Variants in FBN3 observed in about 807,000 individuals in gnomAD.
FBN3 encodes the protein fibrillin-3.
A neutral mutation model predicts 330.1 loss-of-function variants in FBN3; 234 were observed. The ratio of observed to expected loss-of-function variants is 0.71; its 90% CI spans 0.64 to 0.79. FBN3 has a LOEUF of 0.79. FBN3 is among the 30% of genes least tolerant of loss of function. The probability of loss-of-function intolerance (pLI) is 0.00; values close to 1 mark genes in which losing one functional copy is unlikely to be tolerated. For synonymous variants in FBN3, 1,458 were observed against 1,517.3 expected, an observed-to-expected ratio of 0.96 and a Z score of 0.91; for missense variants, 3,606 against 3,886.9, an observed-to-expected ratio of 0.93 and a Z score of 1.92.
chr19:8,102,704 G>A lies in FBN3; in HGVS notation c.5089+20C>T, dbSNP rs370045977. ...CTAGGAGGGGCCAGGCTGGGAAGAAGGTTGGGGAGGGTTACTCACGACTGA... is the reference window on the plus strand; with the variant it reads ...CTAGGAGGGGCCAGGCTGGGAAGAAAGTTGGGGAGGGTTACTCACGACTGA... On this transcript the variant is annotated intron_variant, in intron 40 of 63. Transcript: ENST00000600128. The A allele has an allele frequency of 5.6e-6, 9 of 1,605,094 alleles. No homozygotes were observed. Among genetic ancestry groups the A allele is most frequent in the Non-Finnish European group, 7.7e-6 (9 of 1,173,338 alleles).
At chr19:8,074,751 A>C (rs1433856203) in intron 61 of FBN3, 1 of 289,682 alleles carries the variant, frequency 3.5e-6, no homozygotes, top group African/African-American at 2.2e-5. Flanking sequence ...CACTAATCAC[A>C]CTCGTGGCAG....
At position 8,075,203 on chromosome 19, in the gene FBN3, G is replaced by C. The variant is rs373991096; in HGVS notation, c.7583-13C>G. ...CATTCATTCACATCTGAGACATAGAGAGAGGGAGAGAGGGTTTACCAGACG... is the reference window on the plus strand; with the variant it reads ...CATTCATTCACATCTGAGACATAGACAGAGGGAGAGAGGGTTTACCAGACG... On this transcript the variant is annotated splice_polypyrimidine_tract_variant and intron_variant, in intron 60 of 63. Coordinates refer to ENST00000600128, the MANE Select transcript of FBN3 (RefSeq NM_032447.5). 33 of 1,568,604 alleles carry C rather than the reference G, an allele frequency of 2.1e-5. No individual in the cohort carries two copies. Among genetic ancestry groups the C allele is most frequent in the Non-Finnish European group, 2.5e-5 (29 of 1,153,456 alleles).
chr19:8,102,989 A>G (rs56921504), intron 39 of FBN3, 116 bp from the exon 40 acceptor site: 327,597 of 1,122,384 alleles, frequency 0.29, 50,079 homozygotes, highest in East Asian at 0.47. Flanking sequence ...TGGCTTGTCC[A>G]GGCACAGTGG....
At chr19:8,086,642 ATT>A (rs796155039) in intron 54 of FBN3, among the ~76,000 whole-genome samples, 9 of 109,972 alleles carry the variant, frequency 8.2e-5, no homozygotes, top group African/African-American at 3.0e-4. Context: ...TTTTTTTTGT[ATT>A]TTTAGTAGAG....
chr19:8,101,854 A>G (rs4804263), intron 40 of FBN3, among the ~76,000 whole-genome samples: 69,098 of 152,194 alleles, frequency 0.45, 17,775 homozygotes, highest in Middle Eastern at 0.65. Flanking sequence ...GCAAAATGGA[A>G]GAAAAGCTGC....
chr19:8,097,753 T>G (rs2082242410), intron 41 of FBN3, among the ~76,000 whole-genome samples: 1 of 152,220 alleles, frequency 6.6e-6, no homozygotes, highest in Non-Finnish European at 1.5e-5. Context: ...AAACATCAAC[T>G]GATGAATGCA....
chr19:8,130,340 T>TAAAA (rs137977549), intron 16 of FBN3, among the ~76,000 whole-genome samples: 1 of 133,452 alleles, frequency 7.5e-6, no homozygotes, highest in African/African-American at 2.8e-5. Flanking sequence ...TCATCTCTAC[T>TAAAA]AAAAAAAAAA....
intron 22 of FBN3, among the ~76,000 whole-genome samples, chr19:8,124,394 CCA>C (rs1483248239): frequency 2.8e-5 from 4 of 144,852 alleles, no homozygotes; most frequent in South Asian, 4.4e-4. Flanking sequence ...CAGGTGTGTG[CCA>C]CCACACCCGG....
intron 41 of FBN3, among the ~76,000 whole-genome samples, chr19:8,099,302 A>G (rs1257477002): frequency 2.4e-3 from 255 of 106,358 alleles, no homozygotes; most frequent in African/African-American, 8.1e-3. Context: ...TTTTTTTGCA[A>G]CGGAGTCTTG....
chr19:8,072,966 C>CGT (rs60155490), intron 62 of FBN3, 97 bp downstream of exon 62: 84,653 of 635,538 alleles, frequency 0.13, 1,534 homozygotes, highest in South Asian at 0.2. Context: ...CACAAAGCCC[C>CGT]GTGTGTGTGT....
intron 13 of FBN3, 25 bp downstream of exon 13, chr19:8,135,936 G>GGA: frequency 6.0e-6 from 4 of 668,778 alleles, no homozygotes; most frequent in Admixed American, 5.8e-5. Flanking sequence ...GGAAGCCCCT[G>GGA]CCCACCCGCC....
chr19:8,117,045 G>A, intron 28 of FBN3, 124 bp downstream of exon 28: 1 of 1,432,198 alleles, frequency 7.0e-7, no homozygotes, highest in Non-Finnish European at 9.4e-7. Context: ...AGGCCAGGCA[G>A]GGGGTGCCTC....
intron 6 of FBN3, among the ~76,000 whole-genome samples, chr19:8,143,621 G>A (rs1047326823): frequency 6.7e-6 from 1 of 150,054 alleles, no homozygotes; most frequent in African/African-American, 2.5e-5. Context: ...CCAAGTAGCT[G>A]GGACTACAGG....
At chr19:8,106,377 A>C in intron 37 of FBN3, 144 bp from the exon 38 acceptor site, 1 of 720,728 alleles carries the variant, frequency 1.4e-6, no homozygotes, top group East Asian at 2.7e-5. Context: ...TAAAGGGTCT[A>C]TCTTGATGGC....
chr19:8,109,699 G>C lies in FBN3; in HGVS notation c.4388C>G (p.Thr1463Ser). Reference sequence around the variant, plus strand: ...GCAGCTGCAGAGGTAGCTGCCGGGGGTGTTAATGCACACGCCGTTGATGCA... The same window carrying C: ...GCAGCTGCAGAGGTAGCTGCCGGGGCTGTTAATGCACACGCCGTTGATGCA... ...VNCINGVCIN[T>S]PGSYLCSCPQ... The change falls in exon 35 of 64, where the codon ACC (threonine) becomes AGC (serine). Residue 1463 changes from threonine to serine, a missense_variant. Coordinates refer to ENST00000600128, the MANE Select transcript of FBN3 (RefSeq NM_032447.5). The surrounding 1 kb of genome is among the most constrained non-coding windows in gnomAD (Gnocchi z 5.2). The C allele has an allele frequency of 4.5e-6, 7 of 1,556,412 alleles. No homozygotes were observed. Among genetic ancestry groups the C allele is most frequent in the Non-Finnish European group, 6.1e-6 (7 of 1,153,978 alleles).
At position 8,075,111 on chromosome 19, in the gene FBN3, G is replaced by A. The variant is rs139725223; in HGVS notation, c.7662C>T (p.Pro2554=). ...ACTGGGAGTGCTGGGTGAAACCCTG[G>A]GGGCAGCTGCAGCGGTAGCCCCCTA... The part of the protein sequence containing the change: ...NQLGGYRCSC[P]QGFTQHSQWA... The change falls in exon 61 of 64, where the codon CCC becomes CCT. Residue 2554 remains proline, a synonymous_variant. Transcript: ENST00000600128. The A allele has an allele frequency of 2.3e-5, 36 of 1,595,094 alleles. 1 individual carries two copies. Among genetic ancestry groups the A allele is most frequent in the Non-Finnish European group, 3.0e-5 (35 of 1,170,678 alleles).
chr19:8,145,023 C>G lies in FBN3; in HGVS notation c.446-51G>C, dbSNP rs779881813. ...GGAGGTCCCCCAGCAGCAGAGAGAG[C>G]TGGGGTTCACAGCAAGCCTGTCTTC... On this transcript the variant is annotated intron_variant, in intron 5 of 63. Coordinates refer to ENST00000600128, the MANE Select transcript of FBN3 (RefSeq NM_032447.5). 7 of 1,487,940 alleles carry G rather than the reference C, an allele frequency of 4.7e-6. No homozygotes were observed. The South Asian group carries it at 8.3e-5, about 18-fold the overall frequency. The allele number at this position is 1,487,940 out of a possible 1,614,324, so 92.2% of individuals were successfully genotyped here. A position where few individuals can be genotyped will look rare whatever the true frequency, so the allele number is the denominator to read the frequency against.
At chr19:8,111,570 G>T in intron 32 of FBN3, 78 bp downstream of exon 32, 2 of 1,438,360 alleles carry the variant, frequency 1.4e-6, no homozygotes, top group Non-Finnish European at 9.4e-7. Context: ...GAGGTCGAGT[G>T]ACCATGGCAG....
intron 34 of FBN3, 128 bp downstream of exon 34, chr19:8,110,712 GCCCCC>G: frequency 8.2e-7 from 1 of 1,220,826 alleles, no homozygotes. Context: ...CAGGCAAGGC[GCCCCC>G]CACCCCCCAG....
Sources: gnomAD v4.1 joint callset for allele counts (sites outside exome capture counted in the v4.1 genomes callset) on GRCh38, gnomAD v4.1.1 for gene constraint, Gnocchi (gnomAD v3.1) non-coding constraint, MANE v1.5 for transcripts, NCBI Gene and HGNC (gene_info 2026-07-23, HGNC 2026-07-21) for gene names.